SGCZ: variants seen among roughly 807,000 people sequenced by gnomAD.
SGCZ encodes zeta-sarcoglycan.
A neutral mutation model predicts 41.3 loss-of-function variants in SGCZ; 40 were observed. That is an observed-to-expected ratio of 0.97 (90% CI 0.75 to 1.26). The LOEUF is 1.26. SGCZ is among the 50% of genes most tolerant of loss of function. SGCZ has a pLI of 0.00. For missense variants in SGCZ, 552 were observed against 369.8 expected (o/e 1.49, Z -4.04); for synonymous variants, 206 against 137.5 (o/e 1.50, Z -3.49).
chr8:14,983,892 T>C (rs1442380077), intron 1 of SGCZ, among the ~76,000 whole-genome samples: 2 of 152,226 alleles, frequency 1.3e-5, no homozygotes, highest in Admixed American at 6.5e-5. Flanking sequence ...TTCAACTATA[T>C]ACAATTATGT....
At chr8:15,035,493 T>C (rs1803842370) in intron 1 of SGCZ, among the ~76,000 whole-genome samples, 1 of 152,128 alleles carries the variant, frequency 6.6e-6, no homozygotes, top group African/African-American at 2.4e-5. Context: ...TTGTAAATCG[T>C]TACCTATAAA....
At chr8:14,362,707 C>T (rs570566599) in intron 2 of SGCZ, among the ~76,000 whole-genome samples, 1 of 152,270 alleles carries the variant, frequency 6.6e-6, no homozygotes, top group Admixed American at 6.5e-5. Flanking sequence ...TGCACCCACT[C>T]ACCAACCAGT....
At chr8:14,540,648 A>T (rs1458024625) in intron 2 of SGCZ, among the ~76,000 whole-genome samples, 1 of 151,836 alleles carries the variant, frequency 6.6e-6, no homozygotes, top group Non-Finnish European at 1.5e-5. Context: ...TACTTTGATT[A>T]ATTTCATAAT....
intron 1 of SGCZ, among the ~76,000 whole-genome samples, chr8:14,938,139 A>G (rs919751960): frequency 2.0e-5 from 3 of 152,178 alleles, no homozygotes; most frequent in African/African-American, 4.8e-5. Context: ...ACTGTTTTAT[A>G]TTGATTTATA....
chr8:14,847,331 G>C (rs909059318), intron 1 of SGCZ, among the ~76,000 whole-genome samples: 1 of 151,904 alleles, frequency 6.6e-6, no homozygotes, highest in Non-Finnish European at 1.5e-5. Flanking sequence ...GAAGTTTGTG[G>C]ACCAATATCC....
chr8:14,331,085 A>C (rs915099872), intron 2 of SGCZ, among the ~76,000 whole-genome samples: 1 of 151,764 alleles, frequency 6.6e-6, no homozygotes, highest in African/African-American at 2.4e-5. Flanking sequence ...TTATATATTT[A>C]AATTTGTATG....
At chr8:14,652,302 T>C (rs1189068443) in intron 1 of SGCZ, among the ~76,000 whole-genome samples, 4 of 114,330 alleles carry the variant, frequency 3.5e-5, no homozygotes, top group African/African-American at 1.4e-4. Context: ...GATCATGTCA[T>C]TGCATGCCAC....
intron 1 of SGCZ, among the ~76,000 whole-genome samples, chr8:14,700,838 T>C (rs150975846): frequency 1.3e-5 from 2 of 151,670 alleles, no homozygotes; most frequent in Admixed American, 6.6e-5. Context: ...AGGGAGGTGA[T>C]AGAAAACAAA....
intron 4 of SGCZ, among the ~76,000 whole-genome samples, chr8:14,233,703 TG>T (rs2117156509): frequency 6.6e-6 from 1 of 150,842 alleles, no homozygotes; most frequent in South Asian, 2.1e-4. Flanking sequence ...TAGAAAGTCA[TG>T]GAAAATATCA....
chr8:15,095,350 C>T (rs911793484), intron 1 of SGCZ, among the ~76,000 whole-genome samples: 3 of 152,218 alleles, frequency 2.0e-5, no homozygotes, highest in Middle Eastern at 3.4e-3. Context: ...GCGCCTGCCT[C>T]GGCCTCCCAA....
At chr8:14,754,353 T>G (rs905276068) in intron 1 of SGCZ, among the ~76,000 whole-genome samples, 10 of 152,136 alleles carry the variant, frequency 6.6e-5, no homozygotes, top group Non-Finnish European at 8.8e-5. Flanking sequence ...CCCTTCAACC[T>G]CTCTCTGTTT....
At chr8:14,930,263 A>C (rs1010451884) in intron 1 of SGCZ, among the ~76,000 whole-genome samples, 2 of 152,118 alleles carry the variant, frequency 1.3e-5, no homozygotes, top group African/African-American at 4.8e-5. Context: ...GTCTAGAGAA[A>C]TGCAAATCAA....
intron 7 of SGCZ, among the ~76,000 whole-genome samples, chr8:14,091,284 C>T (rs1470201252): frequency 6.6e-6 from 1 of 151,654 alleles, no homozygotes; most frequent in African/African-American, 2.4e-5. Context: ...GTGAAGAGTG[C>T]CGCAATAAAC....
intron 1 of SGCZ, among the ~76,000 whole-genome samples, chr8:15,052,762 G>A (rs1281097370): frequency 6.6e-6 from 1 of 152,014 alleles, no homozygotes; most frequent in Non-Finnish European, 1.5e-5. Flanking sequence ...AATGTCAAGT[G>A]GTTAAAAAGC....
At chr8:14,878,329 A>G (rs1332906548) in intron 1 of SGCZ, among the ~76,000 whole-genome samples, 1 of 151,958 alleles carries the variant, frequency 6.6e-6, no homozygotes, top group Non-Finnish European at 1.5e-5. Flanking sequence ...GCCATCTATA[A>G]CTTTCCCACA....
intron 1 of SGCZ, among the ~76,000 whole-genome samples, chr8:14,718,523 A>AT (rs1809772345): frequency 1.3e-5 from 2 of 152,134 alleles, no homozygotes; most frequent in African/African-American, 4.8e-5. Context: ...TATAAATTAA[A>AT]TATTGAAATC....
chr8:14,224,886 C>T (rs964990323), intron 4 of SGCZ, among the ~76,000 whole-genome samples: 1 of 152,168 alleles, frequency 6.6e-6, no homozygotes, highest in Non-Finnish European at 1.5e-5. Flanking sequence ...ACGTTTTCCT[C>T]AAGCCACTAA....
intron 1 of SGCZ, among the ~76,000 whole-genome samples, chr8:14,786,104 T>G (rs1585258981): frequency 1.3e-5 from 2 of 152,300 alleles, no homozygotes; most frequent in Non-Finnish European, 2.9e-5. Context: ...AATGAGATTA[T>G]TATTTTAACT....
intron 1 of SGCZ, among the ~76,000 whole-genome samples, chr8:14,853,914 C>T (rs1803442312): frequency 6.6e-6 from 1 of 151,202 alleles, no homozygotes; most frequent in Non-Finnish European, 1.5e-5. Flanking sequence ...CTTGCCAATA[C>T]AAAATACACA....
Sources: gnomAD v4.1 joint callset for allele counts (sites outside exome capture counted in the v4.1 genomes callset) on GRCh38, gnomAD v4.1.1 for gene constraint, MANE v1.5 for transcripts, NCBI Gene and HGNC (gene_info 2026-07-23, HGNC 2026-07-21) for gene names.